The following LMNB1 variants were observed in gnomAD, a reference collection of about 807,000 sequenced individuals.
LMNB1 encodes the protein lamin-B1.
A neutral mutation model predicts 67.1 loss-of-function variants in LMNB1; 23 were observed. That is an observed-to-expected ratio of 0.34 (90% CI 0.25 to 0.49). The LOEUF is 0.49. Ranked by LOEUF, LMNB1 falls within the 20% of genes least tolerant of loss-of-function variation. The probability of loss-of-function intolerance (pLI) is 0.99; values close to 1 mark genes in which losing one functional copy is unlikely to be tolerated. For synonymous variants in LMNB1, 281 were observed against 282.9 expected (o/e 0.99, Z 0.07); for missense variants, 634 against 746.5 (o/e 0.85, Z 1.76).
chr5:126,784,982 T>G (rs1750733533), intron 1 of LMNB1, among the ~76,000 whole-genome samples: 1 of 148,196 alleles, frequency 6.7e-6, no homozygotes, highest in African/African-American at 2.5e-5. Context: ...AAAATTAATT[T>G]TATTATTATT....
intron 3 of LMNB1, among the ~76,000 whole-genome samples, chr5:126,807,525 G>A (rs963602889): frequency 3.3e-5 from 5 of 152,198 alleles, no homozygotes; most frequent in African/African-American, 4.8e-5. Flanking sequence ...AAGGATCAAA[G>A]TGGAATACTG....
At position 126,777,550 on chromosome 5, in the gene LMNB1, C is replaced by T; in HGVS notation, c.42C>T (p.Arg14=). The change falls in exon 1 of 11, where the codon CGC becomes CGT. Residue 14 remains arginine, a synonymous_variant. Coordinates refer to ENST00000261366, the MANE Select transcript of LMNB1 (RefSeq NM_005573.4). ...CCGTGCCGCCGCGGATGGGCAGCCG[C>T]GCTGGCGGCCCCACCACGCCGCTGA... ...ATPVPPRMGS[R]AGGPTTPLSP... 1 of 1,448,882 alleles carries T rather than the reference C, an allele frequency of 6.9e-7. No homozygotes were observed. The highest frequency in any genetic ancestry group is 9.1e-7 in the Non-Finnish European group (1 of 1,096,872). 89.8% of individuals were successfully genotyped at this position (1,448,882 alleles called of 1,614,324 possible).
chr5:126,805,519 T>G (rs546474845), intron 2 of LMNB1, 52 bp from the exon 3 acceptor site: 307 of 1,299,642 alleles, frequency 2.4e-4, no homozygotes, highest in Admixed American at 4.8e-4. Flanking sequence ...TTATGTTCAT[T>G]ATTAAATGAT....
intron 1 of LMNB1, among the ~76,000 whole-genome samples, chr5:126,794,895 A>G (rs1275316550): frequency 1.3e-5 from 2 of 152,138 alleles, no homozygotes; most frequent in Non-Finnish European, 2.9e-5. Context: ...CTGAGGTGAA[A>G]TGTTAGGGAT....
At chr5:126,781,539 C>A (rs1263585736) in intron 1 of LMNB1, among the ~76,000 whole-genome samples, 1 of 151,824 alleles carries the variant, frequency 6.6e-6, no homozygotes, top group Non-Finnish European at 1.5e-5. Context: ...CAGGTTCAAG[C>A]GATGCTCTTG....
chr5:126,808,081 A>G (rs1363609751), intron 3 of LMNB1, among the ~76,000 whole-genome samples: 1 of 152,182 alleles, frequency 6.6e-6, no homozygotes, highest in Non-Finnish European at 1.5e-5. Flanking sequence ...CACATTGGCC[A>G]GGCTGGTCTC....
chr5:126,801,866 T>A (rs147567364), intron 1 of LMNB1, among the ~76,000 whole-genome samples: 1,540 of 152,356 alleles, frequency 0.01, 18 homozygotes, highest in South Asian at 0.022. Context: ...AGTAATTAAT[T>A]TTGAGTCAGT....
chr5:126,803,141 G>GC (rs1199094538), intron 1 of LMNB1, among the ~76,000 whole-genome samples: 1 of 147,836 alleles, frequency 6.8e-6, no homozygotes, highest in Non-Finnish European at 1.5e-5. Flanking sequence ...AGCCGAGATC[G>GC]CCCCACTGCG....
intron 1 of LMNB1, 98 bp downstream of exon 1, chr5:126,777,965 GC>G: frequency 1.8e-6 from 2 of 1,141,878 alleles, no homozygotes; most frequent in Non-Finnish European, 1.2e-6. Context: ...GGGAGCAGAG[GC>G]CAGGATGCAC....
intron 1 of LMNB1, among the ~76,000 whole-genome samples, chr5:126,801,716 G>A (rs1418064871): frequency 6.6e-6 from 1 of 152,214 alleles, no homozygotes; most frequent in African/African-American, 2.4e-5. Flanking sequence ...AAGTTGACAT[G>A]CTGTTTTATG....
rs763453023 is a variant in LMNB1, at chr5:126,811,858, T to C, written c.899T>C (p.Ile300Thr). Residue 300 changes from isoleucine to threonine, a missense_variant, in exon 5 of 11, where the codon ATT becomes ACT. Ile to Thr is a moderately conservative substitution (Grantham distance 89). Coordinates refer to ENST00000261366, the MANE Select transcript of LMNB1 (RefSeq NM_005573.4). ...GAACTGATGGAAAGCCGCATGAGAA[T>C]TGAGAGCCTTTCATCCCAGCTTTCT... ...REELMESRMR[I>T]ESLSSQLSNL... 3 of 1,612,758 alleles carry C rather than the reference T, an allele frequency of 1.9e-6. No homozygotes were observed. Among genetic ancestry groups the C allele is most frequent in the Non-Finnish European group, 2.5e-6 (3 of 1,178,858 alleles).
chr5:126,818,819 T>C (rs1580549641), intron 5 of LMNB1, 103 bp from the exon 6 acceptor site: 1 of 802,934 alleles, frequency 1.2e-6, no homozygotes, highest in Non-Finnish European at 2.1e-6. Flanking sequence ...AGAGATTCCA[T>C]AGGGTTGTAC....
At chr5:126,814,789 T>C (rs1751667703) in intron 5 of LMNB1, among the ~76,000 whole-genome samples, 1 of 152,216 alleles carries the variant, frequency 6.6e-6, no homozygotes, top group South Asian at 2.1e-4. Flanking sequence ...TCTGCCTACC[T>C]TGGCCTCCCA....
At chr5:126,827,065 T>C (rs1752013843) in intron 9 of LMNB1, among the ~76,000 whole-genome samples, 1 of 152,236 alleles carries the variant, frequency 6.6e-6, no homozygotes, top group African/African-American at 2.4e-5. Context: ...CAGGCTCTGC[T>C]GTTTGTACCT....
At chr5:126,798,761 A>ATGTGTGTGTGTG (rs1259847457) in intron 1 of LMNB1, among the ~76,000 whole-genome samples, 232 of 84,756 alleles carry the variant, frequency 2.7e-3, no homozygotes, top group Non-Finnish European at 4.3e-3. Context: ...GAAAAAAGAG[A>ATGTGTGTGTGTG]AGTGTGTGTG....
intron 3 of LMNB1, among the ~76,000 whole-genome samples, chr5:126,807,086 G>A (rs1230603135): frequency 6.6e-6 from 1 of 152,084 alleles, no homozygotes; most frequent in Non-Finnish European, 1.5e-5. Flanking sequence ...TCACTCATGT[G>A]GAAATCTTAA....
chr5:126,807,793 GC>G (rs1751483014), intron 3 of LMNB1, among the ~76,000 whole-genome samples: 2 of 152,052 alleles, frequency 1.3e-5, no homozygotes, highest in Non-Finnish European at 2.9e-5. Flanking sequence ...AGAGTGCATA[GC>G]ATCTTTGAAT....
At chr5:126,806,328 T>C (rs533941054) in intron 3 of LMNB1, among the ~76,000 whole-genome samples, 5 of 152,354 alleles carry the variant, frequency 3.3e-5, no homozygotes, top group African/African-American at 1.2e-4. Context: ...TAGTTATCTA[T>C]TCCTGCCTAA....
chr5:126,806,859 C>T (rs1391395289), intron 3 of LMNB1, among the ~76,000 whole-genome samples: 1 of 151,972 alleles, frequency 6.6e-6, no homozygotes, highest in Admixed American at 6.6e-5. Flanking sequence ...CTCACTGCAA[C>T]CTCTGCCTCC....
Sources: allele counts gnomAD v4.1 joint callset (sites outside exome capture counted in the v4.1 genomes callset), GRCh38; gene constraint gnomAD v4.1.1; transcripts MANE v1.5; gene names NCBI Gene and HGNC (gene_info 2026-07-23, HGNC 2026-07-21).